The following MYO16 variants were observed in gnomAD, a reference collection of about 807,000 sequenced individuals.
The protein encoded by MYO16 is unconventional myosin-XVI.
Under a neutral mutation model 205.3 loss-of-function variants are expected in MYO16, and 94 were observed. The ratio of observed to expected loss-of-function variants is 0.46; its 90% confidence interval spans 0.39 to 0.54. MYO16 has a LOEUF of 0.54. Ranked by LOEUF, MYO16 falls within the 20% of genes least tolerant of loss-of-function variation. MYO16 has a pLI of 0.00. For missense variants in MYO16, 2,315 were observed against 2,387.5 expected, an observed-to-expected ratio of 0.97 and a Z score of 0.63; for synonymous variants, 988 against 954.0, an observed-to-expected ratio of 1.04 and a Z score of -0.66.
intron 2 of MYO16, 99 bp from the exon 3 acceptor site, chr13:108,712,562 G>T (rs1883761303): frequency 9.8e-7 from 1 of 1,021,144 alleles, no homozygotes. Flanking sequence ...GGTTTTCACA[G>T]CTGTTTGCAT....
chr13:109,093,408 C>T (rs1888680632), intron 27 of MYO16, among the ~76,000 whole-genome samples: 1 of 152,106 alleles, frequency 6.6e-6, no homozygotes, highest in African/African-American at 2.4e-5. Flanking sequence ...GTAAAGAGAC[C>T]AGCCACAGAT....
chr13:108,502,169 A>G, the MYO16 span, among the ~76,000 whole-genome samples: 1 of 152,070 alleles, frequency 6.6e-6, no homozygotes, highest in Non-Finnish European at 1.5e-5. Context: ...GCCGAGATTA[A>G]GCCACTACAT....
At chr13:109,147,450 G>T (rs1341205112) in intron 32 of MYO16, among the ~76,000 whole-genome samples, 2 of 152,174 alleles carry the variant, frequency 1.3e-5, no homozygotes, top group Non-Finnish European at 2.9e-5. Context: ...TGAAACAGAA[G>T]TTCCAACATT....
At chr13:108,906,077 C>G (rs9301332) in intron 15 of MYO16, among the ~76,000 whole-genome samples, 51,069 of 152,064 alleles carry the variant, frequency 0.34, 9,244 homozygotes, top group Non-Finnish European at 0.41. Context: ...GGATAACCAT[C>G]ACCCCAAACT....
At chr13:108,853,455 T>G (rs1289090916) in intron 10 of MYO16, among the ~76,000 whole-genome samples, 1 of 152,152 alleles carries the variant, frequency 6.6e-6, no homozygotes, top group Non-Finnish European at 1.5e-5. Flanking sequence ...ATGCTTGGTG[T>G]AGGTTAATGC....
At chr13:108,573,785 C>G in the MYO16 span, among the ~76,000 whole-genome samples, 2 of 152,136 alleles carry the variant, frequency 1.3e-5, no homozygotes, top group African/African-American at 4.8e-5. Flanking sequence ...CTAATAAATA[C>G]AGTCATTTAC....
At chr13:108,888,575 G>A in intron 14 of MYO16, 98 bp downstream of exon 14, 2 of 641,466 alleles carry the variant, frequency 3.1e-6, no homozygotes, top group South Asian at 4.1e-5. Context: ...GATACAAGGG[G>A]GTTCAAAATT....
At chr13:109,100,743 G>A in intron 27 of MYO16, 42 bp from the exon 28 acceptor site, 1 of 1,489,688 alleles carries the variant, frequency 6.7e-7, no homozygotes, top group Non-Finnish European at 9.3e-7. Flanking sequence ...CATGTGCTTG[G>A]CAAATGCAGT....
At chr13:108,661,559 C>T (rs745460647) in intron 1 of MYO16, among the ~76,000 whole-genome samples, 1 of 152,090 alleles carries the variant, frequency 6.6e-6, no homozygotes, top group Non-Finnish European at 1.5e-5. Flanking sequence ...CTTTCTTCTA[C>T]TTGTTCACTT....
At chr13:108,769,677 A>T (rs552009297) in intron 4 of MYO16, among the ~76,000 whole-genome samples, 4 of 152,196 alleles carry the variant, frequency 2.6e-5, no homozygotes, top group Admixed American at 6.5e-5. Context: ...GGAATAACAG[A>T]TTAGAAAGAC....
At chr13:109,172,210 C>T (rs1878951154) in intron 33 of MYO16, among the ~76,000 whole-genome samples, 1 of 152,100 alleles carries the variant, frequency 6.6e-6, no homozygotes, top group South Asian at 2.1e-4. Flanking sequence ...GGAGATTGTA[C>T]ACCTTCTTTG....
chr13:109,174,812 C>T (rs1177215157), intron 33 of MYO16, among the ~76,000 whole-genome samples: 2 of 140,062 alleles, frequency 1.4e-5, no homozygotes, highest in African/African-American at 5.5e-5. Flanking sequence ...AGTGCAGTGG[C>T]ACAATCTCAA....
chr13:109,146,395 A>G (rs1877331879), intron 32 of MYO16, among the ~76,000 whole-genome samples: 1 of 152,190 alleles, frequency 6.6e-6, no homozygotes, highest in African/African-American at 2.4e-5. Context: ...AGTATAAAGA[A>G]TAGATTAATG....
In MYO16 at chr13:108,985,597, G is replaced by C. The variant is rs570509074; in HGVS notation, c.2370-6779G>C. Among the ~76,000 whole-genome samples, 3 of 152,334 alleles carry C rather than the reference G, an allele frequency of 2.0e-5. No homozygotes were observed. In the East Asian group the frequency reaches 5.8e-4, roughly 29 times the overall value. On this transcript the variant is annotated intron_variant, in intron 20 of 34. Coordinates refer to ENST00000457511, the MANE Select transcript of MYO16 (RefSeq NM_001198950.3). ...CAGTGTATTTAACTTCATGAAGAAT[G>C]TATTTTCAGTTCTTCCTGAAGTTCT...
the MYO16 span, among the ~76,000 whole-genome samples, chr13:108,565,867 T>C: frequency 7.9e-5 from 12 of 152,242 alleles, no homozygotes; most frequent in South Asian, 2.3e-3. Flanking sequence ...TATACCCAGT[T>C]TTCTGATGGT....
chr13:108,951,478 C>A (rs906061894), intron 16 of MYO16, among the ~76,000 whole-genome samples: 1 of 152,130 alleles, frequency 6.6e-6, no homozygotes, highest in African/African-American at 2.4e-5. Flanking sequence ...CCTGTATGTT[C>A]CCCAGGATAT....
At chr13:108,716,136 T>A (rs1287265821) in intron 3 of MYO16, among the ~76,000 whole-genome samples, 1 of 152,246 alleles carries the variant, frequency 6.6e-6, no homozygotes, top group Non-Finnish European at 1.5e-5. Context: ...ACTTTTCTGT[T>A]CTTAGCATGT....
rs188342856 is a variant in MYO16, at chr13:108,888,979, C to T, written c.1659+502C>T. On this transcript the variant is annotated intron_variant, in intron 14 of 34. Transcript: ENST00000457511. Reference sequence around the variant, plus strand: ...CTGAGGCAGGAGAATTGCTTGAAGCCGGGAGGCAGAGGTTGCGGTGAGCTG... The same window carrying T: ...CTGAGGCAGGAGAATTGCTTGAAGCTGGGAGGCAGAGGTTGCGGTGAGCTG... Among the ~76,000 whole-genome samples the T allele has an allele frequency of 2.7e-3, 405 of 151,824 alleles. 1 individual carries two copies. Among genetic ancestry groups the T allele is most frequent in the African/African-American group, 9.2e-3 (380 of 41,388 alleles).
At chr13:108,671,100 T>A (rs186547496) in intron 2 of MYO16, among the ~76,000 whole-genome samples, 19 of 152,322 alleles carry the variant, frequency 1.2e-4, no homozygotes, top group African/African-American at 4.3e-4. Context: ...CATGATTAAC[T>A]TTTAGTTGTG....
Sources: gnomAD v4.1 joint callset for allele counts (sites outside exome capture counted in the v4.1 genomes callset) on GRCh38, gnomAD v4.1.1 for gene constraint, MANE v1.5 for transcripts, NCBI Gene and HGNC (gene_info 2026-07-23, HGNC 2026-07-21) for gene names.